The following DNAI4 variants were observed in gnomAD, a reference collection of about 807,000 sequenced individuals.
DNAI4 encodes dynein axonemal intermediate chain 4, also known as WD repeat domain 78.
In DNAI4, 85 loss-of-function variants were observed where a neutral mutation model predicts 105.8. That is an observed-to-expected ratio of 0.80 (90% CI 0.67 to 0.96). The LOEUF (loss-of-function observed/expected upper bound fraction) is 0.96, where lower values mean the gene tolerates loss of function less well. Among genes scored for constraint, DNAI4 ranks in the 40% least tolerant of loss-of-function variants. DNAI4 has a pLI of 0.00. For synonymous variants in DNAI4, 352 were observed against 331.5 expected (o/e 1.06, Z -0.67); for missense variants, 1,014 against 1,005.6 (o/e 1.01, Z -0.11).
chr1:66,824,405 T>C (rs1645704767), intron 15 of DNAI4, among the ~76,000 whole-genome samples: 1 of 152,136 alleles, frequency 6.6e-6, no homozygotes, highest in African/African-American at 2.4e-5. Context: ...TCTTTTTTGG[T>C]TCCATACGAA....
At chr1:66,916,805 A>G (rs1650104358) in intron 1 of DNAI4, among the ~76,000 whole-genome samples, 1 of 152,128 alleles carries the variant, frequency 6.6e-6, no homozygotes, top group Non-Finnish European at 1.5e-5. Flanking sequence ...ATTTTGAAAA[A>G]TAAATTTAAT....
rs1475623289 is a variant in DNAI4, at chr1:66,849,896, A to C, written c.1097-2218T>G. ...AAAACAGACAGAAAAGTCTGAAAAA[A>C]ATGAAGACTCTCAAAAACCTCTGCA... On this transcript the variant is annotated intron_variant, in intron 7 of 16. Transcript: ENST00000371026. Among the ~76,000 whole-genome samples, 5 of 152,124 alleles carry C rather than the reference A, an allele frequency of 3.3e-5. No individual in the cohort carries two copies. In the East Asian group the frequency reaches 7.7e-4, roughly 23 times the overall value.
chr1:66,823,817 T>G (rs879389270), intron 15 of DNAI4, among the ~76,000 whole-genome samples: 1 of 150,966 alleles, frequency 6.6e-6, no homozygotes, highest in East Asian at 1.9e-4. Context: ...TAGCCCTTTG[T>G]CAGATGAGTA....
rs574580250 is a variant in DNAI4, at chr1:66,814,559, A to G, written c.2497-379T>C. Among the ~76,000 whole-genome samples the G allele has an allele frequency of 1.3e-3, 204 of 152,142 alleles. 1 individual carries two copies. Among genetic ancestry groups the G allele is most frequent in the South Asian group, 7.5e-3 (36 of 4,818 alleles). On this transcript the variant is annotated intron_variant, in intron 16 of 16. Coordinates refer to ENST00000371026, the MANE Select transcript of DNAI4 (RefSeq NM_024763.5). ...AATTTTTTGTATTTTTAGTAGAGAT[A>G]CGGTTTCACTGTGTTAGCTAGGATG...
At chr1:66,861,696 T>A (rs1036324848) in intron 7 of DNAI4, among the ~76,000 whole-genome samples, 12 of 152,188 alleles carry the variant, frequency 7.9e-5, no homozygotes, top group Non-Finnish European at 1.6e-4. Flanking sequence ...GTAGATGCCC[T>A]CATAGTCATG....
At chr1:66,822,111 T>C (rs1249350515) in intron 16 of DNAI4, among the ~76,000 whole-genome samples, 1 of 152,106 alleles carries the variant, frequency 6.6e-6, no homozygotes, top group African/African-American at 2.4e-5. Flanking sequence ...TTATCCCATA[T>C]AATATTTACA....
chr1:66,870,375 G>A (rs1244547427), intron 6 of DNAI4, among the ~76,000 whole-genome samples: 3 of 151,032 alleles, frequency 2.0e-5, no homozygotes, highest in South Asian at 4.2e-4. Context: ...CCGGGAGGCG[G>A]AGGTTGCAGT....
chr1:66,827,048 T>C lies in DNAI4; in HGVS notation c.2113-2A>G. ...CCATGTCACTTTATACACTGGACCC[T>C]AGAAATAAAAAAAAAATACATAGGT... On this transcript the variant is annotated splice_acceptor_variant, in intron 14 of 16. Coordinates refer to ENST00000371026, the MANE Select transcript of DNAI4 (RefSeq NM_024763.5). LOFTEE classifies it high-confidence loss of function. The C allele has an allele frequency of 6.3e-7, 1 of 1,592,862 alleles. No individual in the cohort carries two copies.
intron 5 of DNAI4, among the ~76,000 whole-genome samples, chr1:66,873,580 G>A (rs1054043832): frequency 2.0e-5 from 3 of 152,174 alleles, no homozygotes; most frequent in Admixed American, 2.0e-4. Flanking sequence ...AGCCAAAATG[G>A]TGGTATGCTT....
At chr1:66,814,438 G>A (rs1222294009) in intron 16 of DNAI4, among the ~76,000 whole-genome samples, 4 of 151,840 alleles carry the variant, frequency 2.6e-5, no homozygotes, top group Non-Finnish European at 4.4e-5. Context: ...GTGCAATCTC[G>A]GCTCACTGTA....
chr1:66,894,217 T>G (rs541310891), intron 2 of DNAI4, among the ~76,000 whole-genome samples: 1 of 152,292 alleles, frequency 6.6e-6, no homozygotes, highest in Non-Finnish European at 1.5e-5. Flanking sequence ...GATAGCTCCA[T>G]GCATATTACT....
At chr1:66,815,318 C>A (rs1285686255) in intron 16 of DNAI4, among the ~76,000 whole-genome samples, 1 of 152,114 alleles carries the variant, frequency 6.6e-6, no homozygotes, top group Admixed American at 6.5e-5. Context: ...AATACTAATA[C>A]TTGTTGAAAT....
chr1:66,898,932 C>T (rs1479976158), intron 2 of DNAI4, among the ~76,000 whole-genome samples: 1 of 152,116 alleles, frequency 6.6e-6, no homozygotes, highest in South Asian at 2.1e-4. Context: ...ATTCATGCAT[C>T]AGTGCTTCAT....
At chr1:66,863,711 G>T (rs2100615687) in intron 6 of DNAI4, among the ~76,000 whole-genome samples, 1 of 152,258 alleles carries the variant, frequency 6.6e-6, no homozygotes, top group Non-Finnish European at 1.5e-5. Flanking sequence ...ACCTGCCTTA[G>T]CCTCCCAAAG....
At chr1:66,888,693 A>AAAAAC (rs1273677935) in intron 4 of DNAI4, among the ~76,000 whole-genome samples, 2 of 152,278 alleles carry the variant, frequency 1.3e-5, no homozygotes, top group South Asian at 2.1e-4. Flanking sequence ...ACTCCGTCTA[A>AAAAAC]AAAACAAAAC....
chr1:66,836,312 GAAAGAAA>G (rs1646023442), intron 10 of DNAI4, among the ~76,000 whole-genome samples: 2 of 146,962 alleles, frequency 1.4e-5, no homozygotes, highest in Non-Finnish European at 3.0e-5. Flanking sequence ...AAGAAAGAAA[GAAAGAAA>G]GAAAGAAGGA....
Position 66,862,229 on chromosome 1 carries a change from T to C in DNAI4, c.1014A>G (p.Gln338=), listed in dbSNP as rs778532579. ...AMELVSLSVK[Q]SVVESSSKAN... is the part of the protein sequence containing the mutation. The stretch of plus-strand genomic sequence containing the variant: ...CTTTACTACTTGACTCAACCACAGA[T>C]TGTTTTACTGATAAAGATACAAGTT... The change falls in exon 7 of 17, where the codon CAA becomes CAG. Residue 338 remains glutamine (Q), a synonymous_variant. Coordinates refer to ENST00000371026, the MANE Select transcript of DNAI4 (RefSeq NM_024763.5). The C allele has an allele frequency of 1.2e-6, 2 of 1,611,386 alleles. No individual in the cohort carries two copies. Among genetic ancestry groups the C allele is most frequent in the South Asian group, 2.2e-5 (2 of 90,258 alleles).
chr1:66,847,411 G>T, intron 8 of DNAI4, 73 bp downstream of exon 8: 1 of 1,419,258 alleles, frequency 7.0e-7, no homozygotes, highest in South Asian at 1.3e-5. Context: ...CTCTTCCTCA[G>T]CCTCCCAAAG....
intron 1 of DNAI4, 90 bp downstream of exon 1, chr1:66,924,572 C>T: frequency 6.3e-7 from 1 of 1,586,484 alleles, no homozygotes. Context: ...GGTAGGGCCC[C>T]TTTCCAAATC....
Sources: gnomAD v4.1 joint callset for allele counts (sites outside exome capture counted in the v4.1 genomes callset) on GRCh38, gnomAD v4.1.1 for gene constraint, MANE v1.5 for transcripts, NCBI Gene and HGNC (gene_info 2026-07-23, HGNC 2026-07-21) for gene names.